The following TMEM117 variants were observed in gnomAD, a reference collection of about 807,000 sequenced individuals.
TMEM117 encodes the protein transmembrane protein 117.
TMEM117 carries 27 observed loss-of-function variants against 52.4 expected under a neutral mutation model. The ratio of observed to expected loss-of-function variants is 0.51; its 90% CI spans 0.38 to 0.71. The LOEUF (loss-of-function observed/expected upper bound fraction) is 0.71. TMEM117 is among the 30% of genes least tolerant of loss of function. The probability of loss-of-function intolerance (pLI) is 0.00; values close to 1 mark genes in which losing one functional copy is unlikely to be tolerated. For synonymous variants in TMEM117, 215 were observed against 206.3 expected, an observed-to-expected ratio of 1.04 and a Z score of -0.36; for missense variants, 556 against 630.5, an observed-to-expected ratio of 0.88 and a Z score of 1.26.
downstream of TMEM117, among the ~76,000 whole-genome samples, chr12:44,393,947 T>C (rs977151133): frequency 1.3e-5 from 2 of 152,184 alleles, no homozygotes; most frequent in Non-Finnish European, 2.9e-5. Context: ...TTCACTTTCT[T>C]TGGGGAAGGG....
In TMEM117 at chr12:43,877,228, A is replaced by G. The variant is rs80116306; in HGVS notation, c.277+32300A>G. 7.8e-3 allele frequency among the ~76,000 whole-genome samples: 1,195 copies of G among 152,344 alleles called. 10 individuals are homozygous for G. The highest frequency in any genetic ancestry group is 0.034 in the Middle Eastern group (10 of 294). On this transcript the variant is annotated intron_variant, in intron 2 of 7. Transcript: ENST00000266534. ...AATGTGCACATTTTTCACTTGGTAT[A>G]TATTTCCAGGTTGTCCTATGAACTT...
intron 3 of TMEM117, among the ~76,000 whole-genome samples, chr12:44,048,205 T>G (rs1946910542): frequency 6.6e-6 from 1 of 152,118 alleles, no homozygotes; most frequent in Non-Finnish European, 1.5e-5. Context: ...ATGTCCCTCT[T>G]TCATTTCTAA....
chr12:43,827,326 G>C, the TMEM117 span, among the ~76,000 whole-genome samples: 1 of 152,014 alleles, frequency 6.6e-6, no homozygotes, highest in Non-Finnish European at 1.5e-5. Context: ...TTTGAGCCTT[G>C]AGCTTTATCT....
At chr12:44,390,154 C>G (rs191214856), downstream of TMEM117, among the ~76,000 whole-genome samples, 36 of 151,728 alleles carry the variant, frequency 2.4e-4, no homozygotes, top group Non-Finnish European at 5.0e-4. Flanking sequence ...TTACTTTTAC[C>G]TTTAATAGCC....
rs149761392 is a variant in TMEM117, at chr12:43,928,121, A to C, written c.278-16089A>C. On this transcript the variant is annotated intron_variant, in intron 2 of 7. Coordinates refer to ENST00000266534, the MANE Select transcript of TMEM117 (RefSeq NM_032256.3). ...CTTGATACTTTACTATGTATATTTA[A>C]AAAGCTAGCTATTCTAAAGCTGATC... 5.4e-3 allele frequency among the ~76,000 whole-genome samples: 827 copies of C among 152,140 alleles called. 11 individuals are homozygous for C. Among genetic ancestry groups the C allele is most frequent in the African/African-American group, 0.018 (760 of 41,538 alleles).
At chr12:43,942,319 T>C (rs1388681675) in intron 2 of TMEM117, among the ~76,000 whole-genome samples, 2 of 152,202 alleles carry the variant, frequency 1.3e-5, no homozygotes, top group Non-Finnish European at 2.9e-5. Context: ...TGTAAAATAT[T>C]TGTAGCATGT....
intron 3 of TMEM117, among the ~76,000 whole-genome samples, chr12:44,029,795 T>A (rs1946603974): frequency 6.6e-6 from 1 of 152,240 alleles, no homozygotes; most frequent in South Asian, 2.1e-4. Flanking sequence ...TTAGGACACC[T>A]GTAAGCCCAC....
downstream of TMEM117, among the ~76,000 whole-genome samples, chr12:44,393,714 G>A (rs1054442568): frequency 7.2e-5 from 11 of 152,112 alleles, no homozygotes; most frequent in Non-Finnish European, 1.2e-4. Context: ...TTAACTTCTA[G>A]CAATTCTTAC....
the TMEM117 span, chr12:43,806,491 C>A: frequency 1.4e-6 from 1 of 738,674 alleles, no homozygotes; most frequent in Non-Finnish European, 1.7e-6. Context: ...GGTCCTGCTT[C>A]TGCTCTTGCC....
At chr12:44,186,269 C>T (rs56926908) in intron 4 of TMEM117, among the ~76,000 whole-genome samples, 1 of 152,312 alleles carries the variant, frequency 6.6e-6, no homozygotes, top group African/African-American at 2.4e-5. Flanking sequence ...CTCCTTTTGA[C>T]TTGCCTTTCC....
Position 44,101,651 on chromosome 12 carries a change from C to T in TMEM117, c.411-41874C>T, listed in dbSNP as rs552431851. ...ACTAGATTACTTAAAACATCCATTG[C>T]GCAATGGATCAAATGAGAAAATTCT... is the stretch of plus-strand genomic sequence containing the variant. On this transcript the variant is annotated intron_variant, in intron 3 of 7. Coordinates refer to ENST00000266534, the MANE Select transcript of TMEM117 (RefSeq NM_032256.3). 3.0e-4 allele frequency among the ~76,000 whole-genome samples: 46 copies of T among 152,028 alleles called. 1 individual carries two copies. Among genetic ancestry groups the T allele is most frequent in the African/African-American group, 9.9e-4 (41 of 41,498 alleles).
rs148475689 is a variant in TMEM117 at position 44,078,588 on chromosome 12, C to T, written c.411-64937C>T. ...CAACTTTCAGTATATTCTGTTTTTACATGTTTACATTTCAATTTTTTTTTC... is the reference window on the plus strand; with the variant it reads ...CAACTTTCAGTATATTCTGTTTTTATATGTTTACATTTCAATTTTTTTTTC... On this transcript the variant is annotated intron_variant, in intron 3 of 7. Coordinates refer to ENST00000266534, the MANE Select transcript of TMEM117 (RefSeq NM_032256.3). Among the ~76,000 whole-genome samples the T allele has an allele frequency of 5.9e-5, 9 of 152,296 alleles. No homozygotes were observed. In the East Asian group the frequency reaches 1.7e-3, roughly 29 times the overall value.
chr12:43,899,558 T>C (rs1345974798), intron 2 of TMEM117, among the ~76,000 whole-genome samples: 2 of 152,224 alleles, frequency 1.3e-5, no homozygotes, highest in Non-Finnish European at 2.9e-5. Context: ...TGGGGAGTTG[T>C]GCTTTGTTTC....
intron 3 of TMEM117, among the ~76,000 whole-genome samples, chr12:44,002,471 C>T (rs533004828): frequency 2.6e-5 from 4 of 152,234 alleles, no homozygotes; most frequent in South Asian, 4.2e-4. Flanking sequence ...CAAAGTCTCA[C>T]CCTGAGATAC....
At chr12:44,194,587 A>C (rs562731305) in intron 4 of TMEM117, among the ~76,000 whole-genome samples, 41 of 152,290 alleles carry the variant, frequency 2.7e-4, no homozygotes, top group Middle Eastern at 6.8e-3. Flanking sequence ...GCATTTTGGG[A>C]GGCTGAGGCA....
chr12:44,394,563 G>T (rs1176569147), downstream of TMEM117, among the ~76,000 whole-genome samples: 1 of 152,166 alleles, frequency 6.6e-6, no homozygotes, highest in Non-Finnish European at 1.5e-5. Flanking sequence ...GAAATCAATG[G>T]TCATAATCCC....
chr12:43,941,395 G>C (rs1945042057), intron 2 of TMEM117, among the ~76,000 whole-genome samples: 2 of 152,118 alleles, frequency 1.3e-5, no homozygotes, highest in African/African-American at 2.4e-5. Flanking sequence ...GAAAGGAAGG[G>C]GTTACTATTA....
chr12:44,079,889 G>A (rs1947452310), intron 3 of TMEM117, among the ~76,000 whole-genome samples: 1 of 151,470 alleles, frequency 6.6e-6, no homozygotes, highest in Non-Finnish European at 1.5e-5. Flanking sequence ...GTGGTGGCAG[G>A]TGCCTGTAAT....
At chr12:44,043,676 A>G (rs909079153) in intron 3 of TMEM117, among the ~76,000 whole-genome samples, 5 of 151,840 alleles carry the variant, frequency 3.3e-5, no homozygotes, top group Admixed American at 6.6e-5. Context: ...CAACACCCCT[A>G]TTTGCTTCTG....
Sources: gnomAD v4.1 joint callset for allele counts (sites outside exome capture counted in the v4.1 genomes callset) on GRCh38, gnomAD v4.1.1 for gene constraint, MANE v1.5 for transcripts, NCBI Gene and HGNC (gene_info 2026-07-23, HGNC 2026-07-21) for gene names.